Variants in NRG1 observed in about 807,000 individuals in gnomAD.
NRG1 encodes pro-neuregulin-1, membrane-bound isoform.
NRG1 carries 18 observed loss-of-function variants against 63.8 expected under a neutral mutation model. The observed-to-expected ratio is 0.28, with a 90% CI of 0.19 to 0.42. The LOEUF (loss-of-function observed/expected upper bound fraction) is 0.42. Among genes scored for constraint, NRG1 ranks in the 10% least tolerant of loss-of-function variants. The pLI, the probability that NRG1 is intolerant of heterozygous loss-of-function variation, is 1.00. For missense variants in NRG1, 762 were observed against 814.7 expected, an observed-to-expected ratio of 0.94 and a Z score of 0.79; for synonymous variants, 302 against 301.3, an observed-to-expected ratio of 1.00 and a Z score of -0.02.
intron 1 of NRG1, among the ~76,000 whole-genome samples, chr8:31,863,940 G>A (rs1396406515): frequency 2.6e-5 from 4 of 152,152 alleles, no homozygotes. Context: ...AATATCTTGA[G>A]TGCAAGATCT....
intron 1 of NRG1, among the ~76,000 whole-genome samples, chr8:31,917,738 T>C (rs1006151941): frequency 2.6e-4 from 39 of 152,324 alleles, no homozygotes; most frequent in Non-Finnish European, 3.7e-4. Flanking sequence ...TCCAATTCTG[T>C]GAAGAAAGTC....
intron 1 of NRG1, among the ~76,000 whole-genome samples, chr8:31,878,047 A>G (rs185034663): frequency 1.3e-5 from 2 of 152,326 alleles, no homozygotes; most frequent in East Asian, 3.9e-4. Context: ...GAGATGCTCA[A>G]TATTTCAGAA....
rs577551356 is a variant in NRG1, at chr8:32,219,417, T to C, written c.38-376411T>C. ...AAAGCCGTTTCAAAATCTATTGAAA[T>C]GCTCCACCACGAATACATGCCCTAT... On this transcript the variant is annotated intron_variant, in intron 1 of 10. Transcript: ENST00000519301. Among the ~76,000 whole-genome samples, 9 of 152,318 alleles carry C rather than the reference T, an allele frequency of 5.9e-5. No homozygotes were observed. In the East Asian group the frequency reaches 1.4e-3, roughly 23 times the overall value.
At chr8:32,299,547 T>C (rs1855344640) in intron 1 of NRG1, among the ~76,000 whole-genome samples, 1 of 151,970 alleles carries the variant, frequency 6.6e-6, no homozygotes, top group South Asian at 2.1e-4. Context: ...GGAAAAAAAA[T>C]AATAATTTCG....
chr8:31,785,268 C>T (rs540057613), intron 1 of NRG1, among the ~76,000 whole-genome samples: 2 of 152,214 alleles, frequency 1.3e-5, no homozygotes, highest in Non-Finnish European at 2.9e-5. Flanking sequence ...GGGAGTTGTC[C>T]TTCAAGGATT....
chr8:32,525,437 A>C (rs1459258548), intron 1 of NRG1, among the ~76,000 whole-genome samples: 2 of 142,730 alleles, frequency 1.4e-5, no homozygotes, highest in Non-Finnish European at 3.0e-5. Context: ...TGTAGTGTCT[A>C]AGTCTACTTG....
chr8:31,794,774 G>C (rs184596952), intron 1 of NRG1, among the ~76,000 whole-genome samples: 1 of 152,136 alleles, frequency 6.6e-6, no homozygotes, highest in Non-Finnish European at 1.5e-5. Flanking sequence ...GATTTATTGA[G>C]TCTATGATGC....
At chr8:32,042,302 A>T (rs532722494) in intron 1 of NRG1, among the ~76,000 whole-genome samples, 6 of 152,162 alleles carry the variant, frequency 3.9e-5, no homozygotes, top group African/African-American at 1.4e-4. Flanking sequence ...ATAAAAAAAT[A>T]AAAAGCTGGG....
intron 5 of NRG1, among the ~76,000 whole-genome samples, chr8:32,703,911 G>A (rs79837557): frequency 2.4e-3 from 364 of 152,238 alleles, no homozygotes; most frequent in African/African-American, 8.2e-3. Flanking sequence ...CTTTGCCATC[G>A]CTGCCCTTTC....
intron 1 of NRG1, among the ~76,000 whole-genome samples, chr8:32,338,663 A>G (rs1273565188): frequency 2.0e-5 from 3 of 152,168 alleles, no homozygotes; most frequent in African/African-American, 4.8e-5. Context: ...AAATAAAAAA[A>G]GGATTGATAT....
intron 1 of NRG1, among the ~76,000 whole-genome samples, chr8:32,348,440 G>A (rs568435756): frequency 6.6e-6 from 1 of 152,260 alleles, no homozygotes; most frequent in South Asian, 2.1e-4. Context: ...GCAGGAAGAA[G>A]CTAAAGCCAT....
chr8:32,723,131 A>G (rs1413748346), intron 5 of NRG1, among the ~76,000 whole-genome samples: 2 of 126,474 alleles, frequency 1.6e-5, no homozygotes, highest in Non-Finnish European at 3.3e-5. Flanking sequence ...AAGTGTTTTA[A>G]TAAACTTGGC....
intron 1 of NRG1, among the ~76,000 whole-genome samples, chr8:32,534,933 A>C (rs1263884751): frequency 6.6e-6 from 1 of 152,202 alleles, no homozygotes; most frequent in Non-Finnish European, 1.5e-5. Context: ...GAATTATTTA[A>C]TACACACTGC....
intron 1 of NRG1, among the ~76,000 whole-genome samples, chr8:32,265,772 G>A (rs1477156157): frequency 6.6e-6 from 1 of 152,054 alleles, no homozygotes; most frequent in Admixed American, 6.6e-5. Flanking sequence ...GATCCTAGGA[G>A]GTGGAGGCTA....
At chr8:32,277,985 G>A (rs1334095993) in intron 1 of NRG1, among the ~76,000 whole-genome samples, 1 of 152,186 alleles carries the variant, frequency 6.6e-6, no homozygotes, top group African/African-American at 2.4e-5. Flanking sequence ...TTTGGCTCCT[G>A]GATTCTCCAA....
chr8:32,058,747 A>G (rs1401654890), intron 1 of NRG1, among the ~76,000 whole-genome samples: 11 of 151,972 alleles, frequency 7.2e-5, no homozygotes, highest in African/African-American at 2.7e-4. Flanking sequence ...TAACTGTAAC[A>G]TAGCTGCAAG....
Position 31,640,058 on chromosome 8 carries a change from G to A in NRG1, c.37+627G>A. The A allele has an allele frequency of 1.8e-6, 2 of 1,139,532 alleles. No individual in the cohort carries two copies. The highest frequency in any genetic ancestry group is 2.1e-6 in the Non-Finnish European group (2 of 930,350). The allele number at this position is 1,139,532 out of a possible 1,614,324, so 70.6% of individuals were successfully genotyped here. A position where few individuals can be genotyped will look rare whatever the true frequency, so the allele number is the denominator to read the frequency against. On this transcript the variant is annotated intron_variant, in intron 1 of 10. Coordinates refer to the NRG1 transcript ENST00000519301. This position sits in a 1 kb window ranked among gnomAD's most constrained non-coding sequence, Gnocchi z 6.3. ...GCCCAGCGCCCCGGCTCCGCCGCCC[G>A]CTCGTCGCCGCCGCTGCCGCTGCTG...
chr8:32,085,711 A>G (rs952877375), intron 1 of NRG1, among the ~76,000 whole-genome samples: 4 of 152,184 alleles, frequency 2.6e-5, no homozygotes, highest in Non-Finnish European at 5.9e-5. Context: ...TACAACATAT[A>G]ATTTAAACTC....
intron 1 of NRG1, among the ~76,000 whole-genome samples, chr8:31,975,136 T>C (rs967746787): frequency 6.6e-6 from 1 of 152,314 alleles, no homozygotes; most frequent in African/African-American, 2.4e-5. Context: ...GTGTCAGATT[T>C]CCTGCCATGT....
Sources: allele counts gnomAD v4.1 joint callset (sites outside exome capture counted in the v4.1 genomes callset), GRCh38; gene constraint gnomAD v4.1.1; non-coding constraint Gnocchi (gnomAD v3.1); transcripts MANE v1.5; gene names NCBI Gene and HGNC (gene_info 2026-07-23, HGNC 2026-07-21).